The following CD302 variants were observed in gnomAD, a reference collection of about 807,000 sequenced individuals.
CD302 encodes CD302 antigen.
A neutral mutation model predicts 26.5 loss-of-function variants in CD302; 23 were observed. That is an observed-to-expected ratio of 0.87 (90% CI 0.62 to 1.23). CD302 has a LOEUF of 1.23. CD302 is among the 50% of genes most tolerant of loss of function. The probability of loss-of-function intolerance (pLI) is 0.00; values close to 1 mark genes in which losing one functional copy is unlikely to be tolerated. For synonymous variants in CD302, 90 were observed against 99.4 expected, an observed-to-expected ratio of 0.91 and a Z score of 0.56; for missense variants, 290 against 275.5, an observed-to-expected ratio of 1.05 and a Z score of -0.37.
chr2:159,769,572 C>G lies in CD302; in HGVS notation c.*2279G>C, dbSNP rs1334896318. 2 of 152,110 alleles carry G rather than the reference C, an allele frequency of 1.3e-5. No homozygotes were observed. Among genetic ancestry groups the G allele is most frequent in the Non-Finnish European group, 2.9e-5 (2 of 68,076 alleles). 9.4% of individuals were successfully genotyped at this position (152,110 alleles called of 1,614,324 possible). A position where few individuals can be genotyped will look rare whatever the true frequency, so the allele number is the denominator to read the frequency against. ...GGCAGGAGAATTGCTTGAAAACCTG[C>G]AAGGCGGAGATTGGAGAGAGCCAAG... On this transcript the variant is annotated 3_prime_UTR_variant, in exon 6 of 6. Coordinates refer to ENST00000259053, the MANE Select transcript of CD302 (RefSeq NM_014880.5).
chr2:159,771,724 A>C lies in CD302; in HGVS notation c.*127T>G. On this transcript the variant is annotated 3_prime_UTR_variant, in exon 6 of 6. Coordinates refer to ENST00000259053, the MANE Select transcript of CD302 (RefSeq NM_014880.5). ...TTTTCACAGCAGATGAGTACATAAAAATGTTACTGGAATAAGGAATACCAT... is the reference window on the plus strand; with the variant it reads ...TTTTCACAGCAGATGAGTACATAAACATGTTACTGGAATAAGGAATACCAT... 9.0e-7 allele frequency: 1 copy of C among 1,115,804 alleles called. No homozygotes were observed. The highest frequency in any genetic ancestry group is 1.3e-6 in the Non-Finnish European group (1 of 793,280). The allele number at this position is 1,115,804 out of a possible 1,614,324, so 69.1% of individuals were successfully genotyped here. A position where few individuals can be genotyped will look rare whatever the true frequency, so the allele number is the denominator to read the frequency against.
At position 159,770,769 on chromosome 2, in the gene CD302, C is replaced by CCAT. The variant is rs1303787221; in HGVS notation, c.*1079_*1081dup. ...TAGGTTTGGGACAAAATAGGCTCTA[C>CCAT]CATCTGGGTTTGTGTAAATACAAGC... On this transcript the variant is annotated 3_prime_UTR_variant, in exon 6 of 6. Coordinates refer to ENST00000259053, the MANE Select transcript of CD302 (RefSeq NM_014880.5). The CCAT allele has an allele frequency of 4.6e-5, 7 of 152,116 alleles. No homozygotes were observed. In the East Asian group the frequency reaches 1.3e-3, roughly 29 times the overall value. 9.4% of individuals were successfully genotyped at this position (152,116 alleles called of 1,614,324 possible).
rs1708095792 is a variant in CD302, at chr2:159,770,273, CAGAAATGTAA to C, written c.*1568_*1577del. On this transcript the variant is annotated 3_prime_UTR_variant, in exon 6 of 6. Transcript: ENST00000259053. The stretch of plus-strand genomic sequence containing the variant: ...ACATCTCAATCACTATACAAAATCT[CAGAAATGTAA>C]AGCTCTTACAGAGCATGCTTGTGCT... 6.6e-6 allele frequency: 1 copy of C among 152,132 alleles called. No homozygotes were observed. The highest frequency in any genetic ancestry group is 1.5e-5 in the Non-Finnish European group (1 of 68,020). The allele number at this position is 152,132 out of a possible 1,614,324, so 9.4% of individuals were successfully genotyped here. A position where few individuals can be genotyped will look rare whatever the true frequency, so the allele number is the denominator to read the frequency against.
chr2:159,790,703 C>T (rs890807572), intron 1 of CD302, among the ~76,000 whole-genome samples: 3 of 152,128 alleles, frequency 2.0e-5, no homozygotes, highest in Non-Finnish European at 4.4e-5. Context: ...TGAAATGGAA[C>T]TGCATTACCA....
intron 5 of CD302, 21 bp downstream of exon 5, chr2:159,777,917 A>G (rs1708386741): frequency 4.9e-6 from 5 of 1,018,590 alleles, no homozygotes; most frequent in Non-Finnish European, 7.1e-6. Flanking sequence ...GGAAAAATTT[A>G]AAGACCAAAT....
intron 1 of CD302, among the ~76,000 whole-genome samples, chr2:159,785,770 G>T (rs1159035532): frequency 6.6e-6 from 1 of 152,176 alleles, no homozygotes; most frequent in Non-Finnish European, 1.5e-5. Flanking sequence ...CATCCTTTGA[G>T]GCTCAGGCCA....
In CD302 at chr2:159,780,088, G is replaced by C; in HGVS notation, c.386C>G (p.Ala129Gly). 6.2e-7 allele frequency: 1 copy of C among 1,614,122 alleles called. No individual in the cohort carries two copies. Reference protein sequence around the residue: ...DDDEDLVDTCAFLHIKTGEWK... With the variant: ...DDDEDLVDTCGFLHIKTGEWK... ...TTCACCTGTCTTGATGTGCAGAAAA[G>C]CACAGGTGTCAACTAAATCCTCATC... Residue 129 changes from alanine to glycine, a missense_variant, in exon 4 of 6, where the codon GCT becomes GGT. Coordinates refer to ENST00000259053, the MANE Select transcript of CD302 (RefSeq NM_014880.5).
chr2:159,784,799 T>C (rs1037119914), intron 1 of CD302, among the ~76,000 whole-genome samples: 1 of 152,150 alleles, frequency 6.6e-6, no homozygotes, highest in Non-Finnish European at 1.5e-5. Context: ...AGAGCATTGG[T>C]TGTCCCCAGT....
Position 159,780,050 on chromosome 2 carries a change from T to C in CD302, c.424A>G (p.Asn142Asp), listed in dbSNP as rs368739999. The C allele has an allele frequency of 3.1e-6, 5 of 1,614,026 alleles. No individual in the cohort carries two copies. The highest frequency in any genetic ancestry group is 4.2e-6 in the Non-Finnish European group (5 of 1,179,996). Residue 142 changes from asparagine (N) to aspartate (D), a missense_variant, in exon 4 of 6, where the codon AAT becomes GAT. By Grantham distance (23) the Asn-to-Asp change is conservative. Coordinates refer to ENST00000259053, the MANE Select transcript of CD302 (RefSeq NM_014880.5). ...CCTTCCACAGAAGAAACTTCACAATTTCCTTTTTTCCATTCACCTGTCTTG... is the reference window on the plus strand; with the variant it reads ...CCTTCCACAGAAGAAACTTCACAATCTCCTTTTTTCCATTCACCTGTCTTG... ...HIKTGEWKKG[N>D]CEVSSVEGTL...
intron 2 of CD302, among the ~76,000 whole-genome samples, chr2:159,782,890 C>A (rs2125804366): frequency 6.6e-6 from 1 of 152,260 alleles, no homozygotes; most frequent in Admixed American, 6.5e-5. Flanking sequence ...AATCTGACTT[C>A]AGCACTTTCC....
At position 159,788,701 on chromosome 2, in the gene CD302, AG is replaced by A. The variant is rs542045271; in HGVS notation, c.68-5233del. ...ATTTTCTTTGTCTTCGGTTTTTAGC[AG>A]TTTTACAGTGGCATGCTGTTGTTTT... On this transcript the variant is annotated intron_variant, in intron 1 of 5. Coordinates refer to ENST00000259053, the MANE Select transcript of CD302 (RefSeq NM_014880.5). Among the ~76,000 whole-genome samples, 6 of 152,254 alleles carry A rather than the reference AG, an allele frequency of 3.9e-5. No individual in the cohort carries two copies. In the East Asian group the frequency reaches 1.2e-3, roughly 29 times the overall value.
chr2:159,785,269 C>T (rs1230564230), intron 1 of CD302, among the ~76,000 whole-genome samples: 6 of 152,040 alleles, frequency 3.9e-5, no homozygotes, highest in Admixed American at 3.9e-4. Flanking sequence ...GCCACTGTGC[C>T]CCACCTATAA....
intron 1 of CD302, among the ~76,000 whole-genome samples, chr2:159,795,972 G>A (rs149994786): frequency 2.0e-5 from 3 of 152,224 alleles, no homozygotes; most frequent in Non-Finnish European, 4.4e-5. Flanking sequence ...GCACCCTTAC[G>A]GAAAAACTTT....
chr2:159,787,965 G>T (rs1708710586), intron 1 of CD302, among the ~76,000 whole-genome samples: 1 of 152,136 alleles, frequency 6.6e-6, no homozygotes, highest in South Asian at 2.1e-4. Context: ...AAATTAGCTG[G>T]GTGTGGTGGC....
intron 5 of CD302, among the ~76,000 whole-genome samples, chr2:159,773,329 T>G (rs1020471692): frequency 6.6e-6 from 1 of 152,232 alleles, no homozygotes; most frequent in Non-Finnish European, 1.5e-5. Context: ...GTTAGTTTTA[T>G]TAGAATTAAC....
At chr2:159,794,048 C>T (rs1688988200) in intron 1 of CD302, among the ~76,000 whole-genome samples, 1 of 149,312 alleles carries the variant, frequency 6.7e-6, no homozygotes, top group South Asian at 2.1e-4. Flanking sequence ...ATCACTTGAG[C>T]TCAGGAGTTT....
chr2:159,793,945 T>C (rs111964402), intron 1 of CD302, among the ~76,000 whole-genome samples: 4,034 of 152,108 alleles, frequency 0.027, 94 homozygotes, highest in Non-Finnish European at 0.042. Context: ...TTTTAAAGAT[T>C]TGGTCTCAAG....
intron 1 of CD302, among the ~76,000 whole-genome samples, chr2:159,793,289 A>G (rs1708857400): frequency 6.6e-6 from 1 of 152,180 alleles, no homozygotes; most frequent in Non-Finnish European, 1.5e-5. Flanking sequence ...CATAACTCCA[A>G]AAGTTTCTAT....
chr2:159,794,306 A>AAAATAAAATAATAAT (rs1560052350), intron 1 of CD302, among the ~76,000 whole-genome samples: 27 of 8,950 alleles, frequency 3.0e-3, no homozygotes, highest in Middle Eastern at 0.031. Flanking sequence ...ATAAAATAAT[A>AAAATAAAATAATAAT]AAAAAAAAAA....
Sources: gnomAD v4.1 joint callset for allele counts (sites outside exome capture counted in the v4.1 genomes callset) on GRCh38, gnomAD v4.1.1 for gene constraint, MANE v1.5 for transcripts, NCBI Gene and HGNC (gene_info 2026-07-23, HGNC 2026-07-21) for gene names.